The following ENPP1 variants were observed in gnomAD, a reference collection of about 807,000 sequenced individuals.
ENPP1 encodes the protein ectonucleotide pyrophosphatase/phosphodiesterase 1.
A neutral mutation model predicts 122.8 loss-of-function variants in ENPP1; 73 were observed. The ratio of observed to expected loss-of-function variants is 0.59; its 90% CI spans 0.49 to 0.72. The LOEUF is 0.72. Among genes scored for constraint, ENPP1 ranks in the 30% least tolerant of loss-of-function variants. The pLI, the probability that ENPP1 is intolerant of heterozygous loss-of-function variation, is 0.00. For missense variants in ENPP1, 978 were observed against 1,128.1 expected, an observed-to-expected ratio of 0.87 and a Z score of 1.91; for synonymous variants, 367 against 391.6, an observed-to-expected ratio of 0.94 and a Z score of 0.74.
At chr6:131,810,049 G>A (rs967082225) in intron 1 of ENPP1, among the ~76,000 whole-genome samples, 9 of 152,172 alleles carry the variant, frequency 5.9e-5, no homozygotes, top group African/African-American at 2.2e-4. Context: ...AACACTGTGA[G>A]ACATTAACAT....
chr6:131,883,976 G>A (rs1782345322), intron 22 of ENPP1, among the ~76,000 whole-genome samples: 1 of 152,128 alleles, frequency 6.6e-6, no homozygotes, highest in Non-Finnish European at 1.5e-5. Context: ...ATAATTGTTT[G>A]CAAACAGTTT....
chr6:131,827,581 TA>T, intron 1 of ENPP1: 3 of 594,152 alleles, frequency 5.0e-6, no homozygotes, highest in Non-Finnish European at 3.1e-6. Context: ...TGATGTAGGT[TA>T]AAAAATATGG....
At chr6:131,837,520 CAAAAAAA>C (rs34431136) in intron 1 of ENPP1, among the ~76,000 whole-genome samples, 3 of 81,944 alleles carry the variant, frequency 3.7e-5, no homozygotes, top group Non-Finnish European at 5.2e-5. Flanking sequence ...GACTCTGTCT[CAAAAAAA>C]AAAAAAAAAA....
chr6:131,881,994 G>C (rs1782315944), intron 20 of ENPP1, among the ~76,000 whole-genome samples: 1 of 151,500 alleles, frequency 6.6e-6, no homozygotes, highest in Non-Finnish European at 1.5e-5. Context: ...CTCTAGTCTG[G>C]GTGACAGAGT....
intron 1 of ENPP1, among the ~76,000 whole-genome samples, chr6:131,842,961 A>G (rs780149621): frequency 1.3e-5 from 2 of 152,228 alleles, no homozygotes; most frequent in East Asian, 3.8e-4. Context: ...CTAAAGAAGC[A>G]GGAAACTCCA....
intron 1 of ENPP1, among the ~76,000 whole-genome samples, chr6:131,823,043 A>G (rs1179704434): frequency 6.6e-6 from 1 of 152,230 alleles, no homozygotes; most frequent in African/African-American, 2.4e-5. Context: ...TAATCAATGT[A>G]GGGCTCACCA....
rs560296623 is a variant in ENPP1 at position 131,849,038 on chromosome 6, C to T, written c.314-952C>T. Among the ~76,000 whole-genome samples the T allele has an allele frequency of 2.0e-5, 3 of 152,028 alleles. No individual in the cohort carries two copies. In the East Asian group the frequency reaches 5.8e-4, roughly 29 times the overall value. ...GATGTCCCTTATTTTCCATGTGTTC[C>T]TTTTTTTCTTTTTTTCTCATTGTCC... On this transcript the variant is annotated intron_variant, in intron 2 of 24. Coordinates refer to ENST00000647893, the MANE Select transcript of ENPP1 (RefSeq NM_006208.3).
intron 1 of ENPP1, chr6:131,828,132 C>A: frequency 3.4e-6 from 2 of 581,214 alleles, no homozygotes; most frequent in South Asian, 2.9e-5. Context: ...CAGTGGAGGT[C>A]GTTCTGGATT....
At chr6:131,846,101 G>A (rs1298546336) in intron 1 of ENPP1, among the ~76,000 whole-genome samples, 1 of 152,056 alleles carries the variant, frequency 6.6e-6, no homozygotes, top group Non-Finnish European at 1.5e-5. Context: ...TAGGCACCTC[G>A]AGAGCAGAGG....
chr6:131,889,161 A>G (rs1347586204), intron 24 of ENPP1, among the ~76,000 whole-genome samples: 1 of 152,222 alleles, frequency 6.6e-6, no homozygotes, highest in Non-Finnish European at 1.5e-5. Flanking sequence ...ATCAAGACTT[A>G]TATGTTAAAT....
At chr6:131,813,420 C>T (rs1181953852) in intron 1 of ENPP1, among the ~76,000 whole-genome samples, 1 of 151,732 alleles carries the variant, frequency 6.6e-6, no homozygotes, top group African/African-American at 2.4e-5. Context: ...GTGCCAACCA[C>T]TTGGGAGGCT....
At chr6:131,856,540 T>G (rs1423304280) in intron 6 of ENPP1, among the ~76,000 whole-genome samples, 2 of 145,256 alleles carry the variant, frequency 1.4e-5, no homozygotes, top group Non-Finnish European at 3.0e-5. Flanking sequence ...TTGCTTTTGG[T>G]GTTTTGGACA....
intron 1 of ENPP1, among the ~76,000 whole-genome samples, chr6:131,824,928 C>T (rs1310474772): frequency 1.3e-5 from 2 of 151,996 alleles, no homozygotes; most frequent in African/African-American, 4.8e-5. Flanking sequence ...GTTGTCGTGG[C>T]ACACACCTGT....
chr6:131,815,239 T>G (rs1367484367), intron 1 of ENPP1, among the ~76,000 whole-genome samples: 1 of 152,178 alleles, frequency 6.6e-6, no homozygotes, highest in Non-Finnish European at 1.5e-5. Context: ...TTCTCTCAGG[T>G]ACAGACACTC....
At chr6:131,813,478 C>T (rs566693640) in intron 1 of ENPP1, among the ~76,000 whole-genome samples, 5 of 151,326 alleles carry the variant, frequency 3.3e-5, no homozygotes, top group Non-Finnish European at 5.9e-5. Flanking sequence ...TGCAGTGAGC[C>T]GAGATTGCAC....
At chr6:131,819,773 G>A (rs905044841) in intron 1 of ENPP1, 1 of 350,584 alleles carries the variant, frequency 2.9e-6, no homozygotes, top group Non-Finnish European at 5.6e-6. Context: ...GAATATGCAT[G>A]TCCAGTTGTC....
chr6:131,833,507 A>G (rs537884299), intron 1 of ENPP1, among the ~76,000 whole-genome samples: 1 of 152,090 alleles, frequency 6.6e-6, no homozygotes, highest in African/African-American at 2.4e-5. Flanking sequence ...GGAATTTCCA[A>G]TTTTTATGAA....
At chr6:131,856,234 G>T (rs2114697523) in intron 6 of ENPP1, among the ~76,000 whole-genome samples, 1 of 152,182 alleles carries the variant, frequency 6.6e-6, no homozygotes, top group East Asian at 1.9e-4. Flanking sequence ...GCCCTTTGTT[G>T]GCCAGTGATG....
At position 131,891,789 on chromosome 6, in the gene ENPP1, C is replaced by T. The variant is rs553046352; in HGVS notation, c.*1278C>T. The stretch of plus-strand genomic sequence containing the variant: ...TTTTCAGTCCTGCAGTTTCCTGAAG[C>T]TCTGTATATGATATTTTTTTCAGCC... On this transcript the variant is annotated 3_prime_UTR_variant, in exon 25 of 25. Coordinates refer to ENST00000647893, the MANE Select transcript of ENPP1 (RefSeq NM_006208.3). 1 of 139,418 alleles carries T rather than the reference C, an allele frequency of 7.2e-6. No individual in the cohort carries two copies. The highest frequency in any genetic ancestry group is 7.3e-5 in the Admixed American group (1 of 13,650). The allele number at this position is 139,418 out of a possible 1,614,324, so 8.6% of individuals were successfully genotyped here.
Sources: allele counts gnomAD v4.1 joint callset (sites outside exome capture counted in the v4.1 genomes callset), GRCh38; gene constraint gnomAD v4.1.1; transcripts MANE v1.5; gene names NCBI Gene and HGNC (gene_info 2026-07-23, HGNC 2026-07-21).